GRM1: variants seen among roughly 807,000 people sequenced by gnomAD.
GRM1 encodes metabotropic glutamate receptor 1.
In GRM1, 33 loss-of-function variants were observed where a neutral mutation model predicts 90.9. The observed-to-expected ratio is 0.36, with a 90% CI of 0.28 to 0.49. The LOEUF is 0.49. GRM1 is among the 20% of genes least tolerant of loss of function. The pLI, the probability that GRM1 is intolerant of heterozygous loss-of-function variation, is 0.99. For synonymous variants in GRM1, 700 were observed against 613.2 expected (o/e 1.14, Z -2.09); for missense variants, 1,190 against 1,534.3 (o/e 0.78, Z 3.75).
At chr6:146,381,833 T>A (rs1282736074) in intron 5 of GRM1, among the ~76,000 whole-genome samples, 3 of 152,194 alleles carry the variant, frequency 2.0e-5, no homozygotes, top group African/African-American at 7.2e-5. Context: ...CACCATTATG[T>A]TCTCTTGATG....
At chr6:146,316,593 C>T (rs1783978589) in intron 3 of GRM1, among the ~76,000 whole-genome samples, 1 of 152,152 alleles carries the variant, frequency 6.6e-6, no homozygotes, top group African/African-American at 2.4e-5. Context: ...GAAACAGATT[C>T]GAAAAGTCAT....
At chr6:146,336,182 G>T (rs1217132088) in intron 3 of GRM1, among the ~76,000 whole-genome samples, 1 of 152,182 alleles carries the variant, frequency 6.6e-6, no homozygotes, top group African/African-American at 2.4e-5. Context: ...TGGAAAGAGT[G>T]TTAGTATCTT....
At chr6:146,228,078 A>T (rs1269147863) in intron 2 of GRM1, among the ~76,000 whole-genome samples, 1 of 152,164 alleles carries the variant, frequency 6.6e-6, no homozygotes, top group East Asian at 1.9e-4. Context: ...CCTCATATAT[A>T]CTACAAAGCA....
At chr6:146,362,397 C>T (rs957762575) in intron 5 of GRM1, among the ~76,000 whole-genome samples, 3 of 152,034 alleles carry the variant, frequency 2.0e-5, no homozygotes, top group Admixed American at 6.6e-5. Context: ...TAAGACATTC[C>T]GGCCGGGTGC....
chr6:146,323,593 T>G (rs1238171846), intron 3 of GRM1, among the ~76,000 whole-genome samples: 17 of 152,192 alleles, frequency 1.1e-4, no homozygotes, highest in Non-Finnish European at 2.4e-4. Context: ...CTCTTTAGTT[T>G]AATTAGATCC....
chr6:146,206,976 C>T (rs1012499906), intron 2 of GRM1, among the ~76,000 whole-genome samples: 1 of 152,210 alleles, frequency 6.6e-6, no homozygotes, highest in African/African-American at 2.4e-5. Flanking sequence ...CCACAAAAGA[C>T]ATGATCTCAT....
chr6:146,142,365 CA>C (rs1292464897), intron 1 of GRM1, among the ~76,000 whole-genome samples: 19 of 152,302 alleles, frequency 1.2e-4, no homozygotes, highest in African/African-American at 4.6e-4. Context: ...GAAGCTAGCA[CA>C]GCAGTGTGGA....
intron 1 of GRM1, among the ~76,000 whole-genome samples, chr6:146,152,819 T>C (rs1360653779): frequency 6.6e-6 from 1 of 152,210 alleles, no homozygotes; most frequent in African/African-American, 2.4e-5. Context: ...AAAGAAAATA[T>C]GCAGCTCTCT....
chr6:146,078,665 T>C lies in GRM1; in HGVS notation c.700+48448T>C, dbSNP rs138666476. Among the ~76,000 whole-genome samples the C allele has an allele frequency of 3.8e-3, 575 of 152,352 alleles. 6 individuals are homozygous for C. Among genetic ancestry groups the C allele is most frequent in the African/African-American group, 0.013 (551 of 41,592 alleles). On this transcript the variant is annotated intron_variant, in intron 1 of 7. Coordinates refer to ENST00000282753, the MANE Select transcript of GRM1 (RefSeq NM_001278064.2). ...GGTAAAATTGTTCTATTATTATTTA[T>C]AGAATGTTATACAGTATTTAAAATG... is the stretch of plus-strand genomic sequence containing the variant.
At chr6:146,393,535 A>G (rs1040632553) in intron 6 of GRM1, among the ~76,000 whole-genome samples, 5 of 152,132 alleles carry the variant, frequency 3.3e-5, no homozygotes, top group African/African-American at 1.2e-4. Flanking sequence ...CAGTTTAATT[A>G]GATCCCACTT....
chr6:146,405,828 T>C (rs1007894401), intron 7 of GRM1, among the ~76,000 whole-genome samples: 2 of 152,170 alleles, frequency 1.3e-5, no homozygotes, highest in South Asian at 2.1e-4. Context: ...AGGGCTTCAA[T>C]AGATGAATTT....
At chr6:146,066,041 A>G (rs1043580065) in intron 1 of GRM1, among the ~76,000 whole-genome samples, 2 of 151,690 alleles carry the variant, frequency 1.3e-5, no homozygotes, top group Non-Finnish European at 2.9e-5. Flanking sequence ...GACGGCTTTT[A>G]TTTCTTATTT....
At chr6:146,089,985 A>G (rs1349888594) in intron 1 of GRM1, among the ~76,000 whole-genome samples, 1 of 151,926 alleles carries the variant, frequency 6.6e-6, no homozygotes, top group Non-Finnish European at 1.5e-5. Context: ...TTTTATTGTA[A>G]TATGTATTAT....
chr6:146,222,342 G>A (rs1005197042), intron 2 of GRM1, among the ~76,000 whole-genome samples: 1 of 152,112 alleles, frequency 6.6e-6, no homozygotes, highest in African/African-American at 2.4e-5. Flanking sequence ...CATGGTAAAT[G>A]TATTAGTTTG....
At chr6:146,250,089 A>C (rs759272437) in intron 2 of GRM1, among the ~76,000 whole-genome samples, 8 of 152,132 alleles carry the variant, frequency 5.3e-5, no homozygotes, top group Non-Finnish European at 1.0e-4. Flanking sequence ...TGTATCTTGG[A>C]AGTAACTAAC....
At chr6:146,104,303 G>T (rs938630056) in intron 1 of GRM1, among the ~76,000 whole-genome samples, 1 of 152,132 alleles carries the variant, frequency 6.6e-6, no homozygotes, top group Non-Finnish European at 1.5e-5. Context: ...AGCCAGGCGT[G>T]GTGGCGGGCG....
At chr6:146,142,469 C>G (rs1456139842) in intron 1 of GRM1, among the ~76,000 whole-genome samples, 2 of 152,114 alleles carry the variant, frequency 1.3e-5, no homozygotes, top group Non-Finnish European at 2.9e-5. Context: ...CAGGCTGTGT[C>G]CTTCCCTTCA....
rs537522661 is a variant in GRM1 at position 146,275,733 on chromosome 6, C to T, written c.951-28878C>T. ...TCTAAACATTTTTTCTCATTATTTT[C>T]TCTTCTAGCACACTGTTCTCGCCAT... is the stretch of plus-strand genomic sequence containing the variant. On this transcript the variant is annotated intron_variant, in intron 2 of 7. Coordinates refer to ENST00000282753, the MANE Select transcript of GRM1 (RefSeq NM_001278064.2). Among the ~76,000 whole-genome samples the T allele has an allele frequency of 9.9e-5, 15 of 152,232 alleles. 1 individual carries two copies. In the East Asian group the frequency reaches 1.9e-3, roughly 20 times the overall value.
intron 5 of GRM1, among the ~76,000 whole-genome samples, chr6:146,369,005 T>TTTAA (rs1775801709): frequency 6.6e-6 from 1 of 152,066 alleles, no homozygotes; most frequent in African/African-American, 2.4e-5. Context: ...AGATTTTTAT[T>TTTAA]ACTGATTCAA....
Sources: gnomAD v4.1 joint callset for allele counts (sites outside exome capture counted in the v4.1 genomes callset) on GRCh38, gnomAD v4.1.1 for gene constraint, MANE v1.5 for transcripts, NCBI Gene and HGNC (gene_info 2026-07-23, HGNC 2026-07-21) for gene names.